Variants in PHACTR4 observed in about 807,000 individuals in gnomAD.
The protein encoded by PHACTR4 is protein phosphatase 1, regulatory subunit 124.
Under a neutral mutation model 72.7 loss-of-function variants are expected in PHACTR4, and 51 were observed. The ratio of observed to expected loss-of-function variants is 0.70; its 90% CI spans 0.56 to 0.89. PHACTR4 has a LOEUF of 0.89. PHACTR4 is among the 40% of genes least tolerant of loss of function. PHACTR4 has a pLI of 0.00. For synonymous variants in PHACTR4, 255 were observed against 302.5 expected, an observed-to-expected ratio of 0.84 and a Z score of 1.63; for missense variants, 731 against 861.8, an observed-to-expected ratio of 0.85 and a Z score of 1.90.
At chr1:28,426,740 A>G (rs1397937019) in intron 2 of PHACTR4, among the ~76,000 whole-genome samples, 2 of 146,328 alleles carry the variant, frequency 1.4e-5, no homozygotes, top group African/African-American at 2.5e-5. Flanking sequence ...TTTTTTTAAT[A>G]GAGACAAGAT....
chr1:28,489,982 C>A, intron 10 of PHACTR4: 1 of 478,720 alleles, frequency 2.1e-6, no homozygotes, highest in Non-Finnish European at 4.2e-6. Context: ...CACCATTGTC[C>A]ATTCTTAGCA....
intron 2 of PHACTR4, among the ~76,000 whole-genome samples, chr1:28,434,957 T>A (rs1042960619): frequency 1.3e-5 from 2 of 152,232 alleles, no homozygotes; most frequent in Non-Finnish European, 2.9e-5. Context: ...TAAATTAGAT[T>A]AGAAGGTACT....
chr1:28,388,363 A>G (rs116043252), intron 1 of PHACTR4, among the ~76,000 whole-genome samples: 1,602 of 152,316 alleles, frequency 0.011, 33 homozygotes, highest in African/African-American at 0.037. Flanking sequence ...CTGCCATAAA[A>G]AGACATAGAC....
At chr1:28,380,348 G>T (rs1046838809) in intron 1 of PHACTR4, among the ~76,000 whole-genome samples, 3 of 152,096 alleles carry the variant, frequency 2.0e-5, no homozygotes, top group African/African-American at 7.2e-5. Flanking sequence ...GAGCCACCGC[G>T]CCCGGCCTTA....
At chr1:28,483,572 C>A (rs142459614) in intron 9 of PHACTR4, among the ~76,000 whole-genome samples, 9 of 151,802 alleles carry the variant, frequency 5.9e-5, no homozygotes, top group Non-Finnish European at 7.4e-5. Context: ...GAGGCCGAGG[C>A]GGGTGGATCA....
intron 2 of PHACTR4, among the ~76,000 whole-genome samples, chr1:28,446,844 C>T (rs940021488): frequency 1.3e-5 from 2 of 151,962 alleles, no homozygotes; most frequent in African/African-American, 4.8e-5. Context: ...GGCCATGTGA[C>T]GTGTCTACTC....
chr1:28,377,463 C>T (rs147698147), intron 1 of PHACTR4, among the ~76,000 whole-genome samples: 3,021 of 151,404 alleles, frequency 0.02, 100 homozygotes, highest in African/African-American at 0.069. Flanking sequence ...TGGTTTTGAA[C>T]TCCTGACCTC....
chr1:28,388,624 G>T (rs923668220), intron 1 of PHACTR4, among the ~76,000 whole-genome samples: 3 of 152,176 alleles, frequency 2.0e-5, no homozygotes, highest in Admixed American at 6.6e-5. Context: ...GCCTGAGGCG[G>T]GCAGATCACG....
rs57186471 is a variant in PHACTR4, at chr1:28,409,951, ATTTTTTTTTTTTT to A, written c.16+2510_16+2522del. On this transcript the variant is annotated intron_variant, in intron 2 of 13. Transcript: ENST00000373839. ...GAGGGCAGTCTGTACTTCTTCATAA[ATTTTTTTTTTTTT>A]TTTTTTTTTTTTTTTTTTTTTGAGA... 5.9e-4 allele frequency among the ~76,000 whole-genome samples: 39 copies of A among 66,364 alleles called. No individual in the cohort carries two copies. In the East Asian group the frequency reaches 9.8e-3, roughly 17 times the overall value. The allele number at this position is 66,364 out of a possible 152,430, so 43.5% of individuals were successfully genotyped here.
intron 2 of PHACTR4, chr1:28,438,173 G>A (rs1656754459): frequency 5.6e-6 from 7 of 1,256,454 alleles, no homozygotes; most frequent in Non-Finnish European, 7.0e-6. Context: ...GAGTGCCAGT[G>A]TGAAGACAGT....
At chr1:28,375,314 C>T (rs1423963661) in intron 1 of PHACTR4, among the ~76,000 whole-genome samples, 22 of 141,900 alleles carry the variant, frequency 1.6e-4, no homozygotes, top group South Asian at 4.9e-4. Flanking sequence ...CACCCCTGCC[C>T]GCCCCCACCC....
chr1:28,468,747 C>T (rs1362531907), intron 6 of PHACTR4, among the ~76,000 whole-genome samples: 1 of 152,162 alleles, frequency 6.6e-6, no homozygotes, highest in African/African-American at 2.4e-5. Flanking sequence ...GACTGCTGGA[C>T]ACTACCCGTA....
At chr1:28,464,044 CTT>C (rs74771369) in intron 4 of PHACTR4, among the ~76,000 whole-genome samples, 17 of 131,282 alleles carry the variant, frequency 1.3e-4, no homozygotes, top group Admixed American at 1.5e-4. Flanking sequence ...ATAACCATTT[CTT>C]TTTTTTTTTT....
intron 6 of PHACTR4, among the ~76,000 whole-genome samples, chr1:28,469,005 G>C (rs1659394598): frequency 6.6e-6 from 1 of 152,152 alleles, no homozygotes; most frequent in Admixed American, 6.6e-5. Context: ...CCTTGTAACT[G>C]AGGAATCAGT....
intron 1 of PHACTR4, among the ~76,000 whole-genome samples, chr1:28,405,438 T>C (rs1245820019): frequency 6.6e-6 from 1 of 151,966 alleles, no homozygotes; most frequent in Non-Finnish European, 1.5e-5. Context: ...GCAATTCTCA[T>C]GCCTCAGCCT....
chr1:28,468,516 T>C (rs61785968), intron 6 of PHACTR4, among the ~76,000 whole-genome samples: 33,082 of 152,014 alleles, frequency 0.22, 4,279 homozygotes, highest in African/African-American at 0.35. Flanking sequence ...TGCTTGCACG[T>C]GGGAAGCAGA....
intron 1 of PHACTR4, among the ~76,000 whole-genome samples, chr1:28,393,621 G>T (rs1040367973): frequency 2.6e-5 from 4 of 152,016 alleles, no homozygotes; most frequent in African/African-American, 9.7e-5. Flanking sequence ...GATAATAAAT[G>T]ACTATATTAC....
intron 2 of PHACTR4, among the ~76,000 whole-genome samples, chr1:28,451,983 C>T (rs1027369138): frequency 2.0e-5 from 3 of 152,112 alleles, no homozygotes; most frequent in Non-Finnish European, 2.9e-5. Flanking sequence ...AGCTAAAACA[C>T]TTTTACCTGG....
intron 2 of PHACTR4, among the ~76,000 whole-genome samples, chr1:28,436,274 AT>A (rs941924626): frequency 1.3e-4 from 19 of 147,602 alleles, no homozygotes; most frequent in Admixed American, 4.7e-4. Context: ...AATTATTTTA[AT>A]TTTTTTTTTT....
Sources: gnomAD v4.1 joint callset for allele counts (sites outside exome capture counted in the v4.1 genomes callset) on GRCh38, gnomAD v4.1.1 for gene constraint, MANE v1.5 for transcripts, NCBI Gene and HGNC (gene_info 2026-07-23, HGNC 2026-07-21) for gene names.